The following TTN variants were observed in gnomAD, a reference collection of about 807,000 sequenced individuals.
TTN encodes the protein connectin.
Under a neutral mutation model 3,223.0 loss-of-function variants are expected in TTN, and 1,525 were observed. The observed-to-expected ratio is 0.47, with a 90% confidence interval of 0.45 to 0.49. The LOEUF is 0.49. Ranked by LOEUF, TTN falls within the 20% of genes least tolerant of loss-of-function variation. The pLI is 0.00. For synonymous variants in TTN, 14,094 were observed against 15,161.0 expected, an observed-to-expected ratio of 0.93 and a Z score of 5.17; for missense variants, 40,786 against 43,424.0, an observed-to-expected ratio of 0.94 and a Z score of 5.40.
Position 178,632,973 on chromosome 2 carries a change from T to G in TTN, c.43158A>C (p.Gly14386=). The change falls in exon 234 of 363, where the codon GGA becomes GGC. Residue 14386 remains glycine, a synonymous_variant. Transcript: ENST00000589042. ...ILHNCQLGMT[G]EVSFQAANAK... ...CATTAGCAGCCTGGAAGGAAACCTC[T>G]CCTGTCATACCCAGCTGACAGTTAT... 1 of 1,613,266 alleles carries G rather than the reference T, an allele frequency of 6.2e-7. No individual in the cohort carries two copies. The highest frequency in any genetic ancestry group is 8.5e-7 in the Non-Finnish European group (1 of 1,179,452).
At position 178,622,017 on chromosome 2, in the gene TTN, A is replaced by G. The variant is rs899485279; in HGVS notation, c.44914-9T>C. The G allele has an allele frequency of 6.3e-7, 1 of 1,593,054 alleles. No homozygotes were observed. The highest frequency in any genetic ancestry group is 1.3e-5 in the African/African-American group (1 of 74,214). On this transcript the variant is annotated splice_polypyrimidine_tract_variant and intron_variant, in intron 243 of 362. Transcript: ENST00000589042. ...TCTTTAAACCACTTAACCTATATTT[A>G]AGATAAATAGATTATCAGTTTTCTT...
chr2:178,606,073 G>A (rs1451593565), intron 278 of TTN, among the ~76,000 whole-genome samples: 1 of 152,010 alleles, frequency 6.6e-6, no homozygotes, highest in African/African-American at 2.4e-5. Flanking sequence ...TGAGAGCAAA[G>A]TGTTTTTTCT....
chr2:178,666,217 G>A (rs2065905348), intron 163 of TTN, among the ~76,000 whole-genome samples: 1 of 151,974 alleles, frequency 6.6e-6, no homozygotes, highest in Non-Finnish European at 1.5e-5. Flanking sequence ...ATTCCAGACT[G>A]AGAAAAAATA....
chr2:178,581,693 A>G lies in TTN; in HGVS notation c.66575T>C (p.Leu22192Pro). The G allele has an allele frequency of 1.2e-6, 2 of 1,612,286 alleles. No homozygotes were observed. The highest frequency in any genetic ancestry group is 1.3e-5 in the African/African-American group (1 of 74,940). The change falls in exon 316 of 363, where the codon CTC (leucine) becomes CCC (proline). Residue 22192 changes from leucine to proline, a missense_variant. Transcript: ENST00000589042. ...GGAGTCAGCCCGTTTTACTTCAACG[A>G]GATAACCAATGATAGGGCTGCCGCC... ...YDGGSPIIGY[L>P]VEVKRADSDN... is the part of the protein sequence containing the mutation.
intron 168 of TTN, 109 bp from the exon 169 acceptor site, chr2:178,664,207 AG>A: frequency 9.3e-7 from 1 of 1,078,090 alleles, no homozygotes; most frequent in Non-Finnish European, 1.3e-6. Flanking sequence ...AGCTGAGATC[AG>A]TGGTAACAAG....
Position 178,609,774 on chromosome 2 carries a change from C to A in TTN, c.51649G>T (p.Glu17217Ter), listed in dbSNP as rs1060500503. 3 of 1,612,904 alleles carry A rather than the reference C, an allele frequency of 1.9e-6. No homozygotes were observed. The highest frequency in any genetic ancestry group is 2.5e-6 in the Non-Finnish European group (3 of 1,179,224). The change falls in exon 272 of 363, where the codon GAG becomes TAG. Residue 17217 changes from glutamate (E) to a stop codon, truncating the protein, a stop_gained. Transcript: ENST00000589042. LOFTEE classifies it high-confidence loss of function. ...YTAKGLEEGK[E>*]YQFRVRAENA... ...TCTGCTCGCACACGGAATTGGTACT[C>A]TTTCCCCTCTTCAAGTCCTTTTGCT...
chr2:178,533,792 C>T lies in TTN; in HGVS notation c.102823G>A (p.Val34275Ile), dbSNP rs879063086. The T allele has an allele frequency of 4.3e-6, 7 of 1,613,848 alleles. No individual in the cohort carries two copies. The African/African-American group carries it at 8.0e-5, about 18-fold the overall frequency. The change falls in exon 358 of 363, where the codon GTC becomes ATC. Residue 34275 changes from valine (V) to isoleucine (I), a missense_variant. Coordinates refer to ENST00000589042, the MANE Select transcript of TTN (RefSeq NM_001267550.2). ...ACAGTTATAGTTACTCCAAACCGGA[C>T]ATTTTCACCTACATAAGCTGTCTTA... ...YNKTAYVGEN[V>I]RFGVTITVHP...
rs1300509414 is a variant in TTN at position 178,640,084 on chromosome 2, G to A, written c.40750C>T (p.Leu13584Phe). The A allele has an allele frequency of 6.2e-7, 1 of 1,612,198 alleles. No homozygotes were observed. Among genetic ancestry groups the A allele is most frequent in the East Asian group, 2.2e-5 (1 of 44,798 alleles). Reference protein sequence around the residue: ...KVPEIKPAIPLPAPEPKPKPE... With the variant: ...KVPEIKPAIPFPAPEPKPKPE... ...TTTGGTTTCGGTTCAGGTGCAGGGA[G>A]AGGTATTGCTGGCTTGATTTCAGGC... Residue 13584 changes from leucine (L) to phenylalanine (F), a missense_variant, in exon 222 of 363, where the codon CTC (leucine) becomes TTC (phenylalanine). Coordinates refer to ENST00000589042, the MANE Select transcript of TTN (RefSeq NM_001267550.2).
Position 178,712,988 on chromosome 2 carries a change from G to C in TTN, c.27050-13C>G. On this transcript the variant is annotated splice_polypyrimidine_tract_variant and intron_variant, in intron 93 of 362. Transcript: ENST00000589042. ...AAAGATGGTGGTTCTAAACACAAAA[G>C]CACATATCAGAAAAGGTTTAGTATT... is the stretch of plus-strand genomic sequence containing the variant. 3.1e-6 allele frequency: 5 copies of C among 1,609,310 alleles called. No individual in the cohort carries two copies. Among genetic ancestry groups the C allele is most frequent in the Non-Finnish European group, 4.2e-6 (5 of 1,176,742 alleles).
At position 178,549,879 on chromosome 2, in the gene TTN, A is replaced by G; in HGVS notation, c.91853-10T>C. On this transcript the variant is annotated splice_polypyrimidine_tract_variant and intron_variant, in intron 337 of 362. Coordinates refer to ENST00000589042, the MANE Select transcript of TTN (RefSeq NM_001267550.2). ...ACTTTTCCTGGTGTATCTATAAGAA[A>G]AAGTTTCTAGAGTTAGTTTCTTTTT... 6.5e-7 allele frequency: 1 copy of G among 1,543,424 alleles called. No homozygotes were observed. Among genetic ancestry groups the G allele is most frequent in the Non-Finnish European group, 8.7e-7 (1 of 1,149,382 alleles).
Position 178,649,327 on chromosome 2 carries a change from A to G in TTN, c.39978T>C (p.Pro13326=). 6.9e-7 allele frequency: 1 copy of G among 1,456,550 alleles called. No homozygotes were observed. The highest frequency in any genetic ancestry group is 9.0e-7 in the Non-Finnish European group (1 of 1,111,766). 90.2% of individuals were successfully genotyped at this position (1,456,550 alleles called of 1,614,324 possible). ...CTGGAACAAGTTTCTTGGGCACCTC[A>G]GGCACTTTGAAGATATTAGTTTTGT... The part of the protein sequence containing the change: ...KKPETPAAKV[P]EVPKKLVPVK... Residue 13326 remains proline (P), a synonymous_variant, in exon 213 of 363, where the codon CCT becomes CCC. Transcript: ENST00000589042.
At chr2:178,747,169 T>G (rs1242573891) in intron 47 of TTN, 1 of 1,610,556 alleles carries the variant, frequency 6.2e-7, no homozygotes, top group Non-Finnish European at 8.5e-7. Flanking sequence ...GAGTCTCTCC[T>G]GGGGGTGTGG....
Position 178,571,719 on chromosome 2 carries a change from C to A in TTN, c.74413G>T (p.Val24805Phe). The A allele has an allele frequency of 4.3e-6, 7 of 1,613,402 alleles. No homozygotes were observed. The highest frequency in any genetic ancestry group is 5.9e-6 in the Non-Finnish European group (7 of 1,179,574). The change falls in exon 326 of 363, where the codon GTT becomes TTT. Residue 24805 changes from valine to phenylalanine, a missense_variant. Physicochemically the swap from Val to Phe is conservative, Grantham distance 50. Coordinates refer to ENST00000589042, the MANE Select transcript of TTN (RefSeq NM_001267550.2). ...GTTGGAGGCCCTGGTTTGTCAAGAACGATAACATTAAGGGTTTCAATAGCT... is the reference window on the plus strand; with the variant it reads ...GTTGGAGGCCCTGGTTTGTCAAGAAAGATAACATTAAGGGTTTCAATAGCT... ...GEAIETLNVI[V>F]LDKPGPPTGP... is the part of the protein sequence containing the mutation.
Position 178,594,235 on chromosome 2 carries a change from T to G in TTN, c.58158A>C (p.Pro19386=). ...TATCTCTGAAGTCGAGGTGAAGCGT[T>G]GGGGGTGCTAAAATTTGTAATTATA... ...PITCKDELAP[P]TLHLDFRDKL... The change falls in exon 297 of 363, where the codon CCA becomes CCC. Residue 19386 remains proline, a synonymous_variant. Transcript: ENST00000589042. 3 of 1,606,124 alleles carry G rather than the reference T, an allele frequency of 1.9e-6. No homozygotes were observed. Among genetic ancestry groups the G allele is most frequent in the Non-Finnish European group, 2.5e-6 (3 of 1,178,004 alleles).
chr2:178,741,411 A>T lies in TTN; in HGVS notation c.11822T>A (p.Leu3941His). ...KLGGPCPPHF[L>H]KELKPIRCAQ... ...ACAGCGAATTGGTTTTAACTCCTTA[A>T]GGAAGTGAGGAGGACAAGGACCTCC... The change falls in exon 48 of 363, where the codon CTT (leucine) becomes CAT (histidine). Residue 3941 changes from leucine (L) to histidine (H), a missense_variant. By Grantham distance (99) the Leu-to-His change is moderately conservative. Coordinates refer to ENST00000589042, the MANE Select transcript of TTN (RefSeq NM_001267550.2). 6.2e-7 allele frequency: 1 copy of T among 1,613,914 alleles called. No homozygotes were observed. The highest frequency in any genetic ancestry group is 8.5e-7 in the Non-Finnish European group (1 of 1,179,830).
At position 178,631,179 on chromosome 2, in the gene TTN, C is replaced by T. The variant is rs957181917; in HGVS notation, c.43869G>A (p.Lys14623=). Residue 14623 remains lysine, a synonymous_variant, in exon 237 of 363, where the codon AAG becomes AAA. Coordinates refer to ENST00000589042, the MANE Select transcript of TTN (RefSeq NM_001267550.2). ...CAGCATTTTTGGATGGCTTTATTTC[C>T]TTCCCATCCTTAAACCATTTCACTG... ...DAPVKWFKDG[K]EIKPSKNAVI... 5 of 1,613,112 alleles carry T rather than the reference C, an allele frequency of 3.1e-6. No homozygotes were observed. The African/African-American group carries it at 4.0e-5, about 13-fold the overall frequency.
chr2:178,749,816 T>C, intron 47 of TTN: 1 of 1,613,174 alleles, frequency 6.2e-7, no homozygotes, highest in Non-Finnish European at 8.5e-7. Flanking sequence ...AAGGACTCCA[T>C]TTTGAAACCA....
At position 178,635,943 on chromosome 2, in the gene TTN, T is replaced by C; in HGVS notation, c.41608+20A>G. 6.4e-7 allele frequency: 1 copy of C among 1,557,276 alleles called. No individual in the cohort carries two copies. Among genetic ancestry groups the C allele is most frequent in the Non-Finnish European group, 8.7e-7 (1 of 1,153,838 alleles). ...TAGTGTAACAATAAGCAGAACGAAA[T>C]CTCCCAGGAAAGTACTAACCTACTA... On this transcript the variant is annotated intron_variant, in intron 226 of 362. Transcript: ENST00000589042.
At chr2:178,759,307 G>A (rs757933414) in intron 43 of TTN, 135 bp from the exon 44 acceptor site, 6 of 837,228 alleles carry the variant, frequency 7.2e-6, no homozygotes, top group Non-Finnish European at 1.2e-5. Flanking sequence ...TTTTCTCTGG[G>A]CATGCCATAT....
Sources: gnomAD v4.1 joint callset for allele counts (sites outside exome capture counted in the v4.1 genomes callset) on GRCh38, gnomAD v4.1.1 for gene constraint, MANE v1.5 for transcripts, NCBI Gene and HGNC (gene_info 2026-07-23, HGNC 2026-07-21) for gene names.